Variants in PHTF2 observed in about 807,000 individuals in gnomAD.
The protein encoded by PHTF2 is protein PHTF2.
Under a neutral mutation model 101.2 loss-of-function variants are expected in PHTF2, and 60 were observed. The observed-to-expected ratio is 0.59, with a 90% CI of 0.48 to 0.73. PHTF2 has a LOEUF of 0.73. PHTF2 is among the 30% of genes least tolerant of loss of function. The pLI is 0.00. For synonymous variants in PHTF2, 311 were observed against 307.3 expected (o/e 1.01, Z -0.13); for missense variants, 747 against 908.7 (o/e 0.82, Z 2.29).
At chr7:77,814,314 T>C (rs1793673147) in intron 1 of PHTF2, among the ~76,000 whole-genome samples, 1 of 152,208 alleles carries the variant, frequency 6.6e-6, no homozygotes, top group Admixed American at 6.5e-5. Context: ...TACATAACCT[T>C]GTTTCATATG....
chr7:77,944,297 C>A (rs1170486426), intron 16 of PHTF2, among the ~76,000 whole-genome samples: 1 of 152,144 alleles, frequency 6.6e-6, no homozygotes, highest in Non-Finnish European at 1.5e-5. Context: ...ACCATGAAGT[C>A]AAACCCTCAA....
At chr7:77,801,412 G>A (rs760853541) in intron 1 of PHTF2, among the ~76,000 whole-genome samples, 10 of 151,990 alleles carry the variant, frequency 6.6e-5, no homozygotes, top group Admixed American at 1.3e-4. Flanking sequence ...ATGAAACCCC[G>A]TCTCTACTAA....
At chr7:77,900,008 C>T (rs912334106) in intron 5 of PHTF2, among the ~76,000 whole-genome samples, 1 of 151,946 alleles carries the variant, frequency 6.6e-6, no homozygotes, top group East Asian at 1.9e-4. Context: ...CTACACCCCC[C>T]ACTCCACTCT....
At chr7:77,841,996 C>A (rs964414855) in intron 2 of PHTF2, among the ~76,000 whole-genome samples, 1 of 152,044 alleles carries the variant, frequency 6.6e-6, no homozygotes, top group Admixed American at 6.6e-5. Flanking sequence ...ACTTGATTGA[C>A]CTTTCTTGGG....
intron 1 of PHTF2, among the ~76,000 whole-genome samples, chr7:77,826,509 C>T (rs1794707185): frequency 6.6e-6 from 1 of 152,090 alleles, no homozygotes; most frequent in African/African-American, 2.4e-5. Flanking sequence ...TTTCTAGTCT[C>T]AATGTCACTG....
chr7:77,889,812 G>A (rs1226906612), intron 3 of PHTF2, among the ~76,000 whole-genome samples: 1 of 151,922 alleles, frequency 6.6e-6, no homozygotes, highest in Admixed American at 6.6e-5. Context: ...TGTTGGCCAG[G>A]ATGGTCTCCA....
intron 3 of PHTF2, among the ~76,000 whole-genome samples, chr7:77,884,616 G>A (rs942509239): frequency 6.6e-6 from 1 of 152,168 alleles, no homozygotes; most frequent in African/African-American, 2.4e-5. Flanking sequence ...GGAATGTTGG[G>A]CTGGGCGCAG....
chr7:77,887,006 A>G (rs1799914872), intron 3 of PHTF2, among the ~76,000 whole-genome samples: 1 of 150,888 alleles, frequency 6.6e-6, no homozygotes, highest in Admixed American at 6.6e-5. Flanking sequence ...AGATCATGCT[A>G]CTACACTCCA....
intron 7 of PHTF2, among the ~76,000 whole-genome samples, chr7:77,903,290 T>A (rs1801560984): frequency 6.6e-6 from 1 of 152,198 alleles, no homozygotes; most frequent in African/African-American, 2.4e-5. Context: ...TCTTGTTTTC[T>A]TCTCAAAAGG....
At chr7:77,809,693 T>C (rs1016390614) in intron 1 of PHTF2, among the ~76,000 whole-genome samples, 2 of 152,222 alleles carry the variant, frequency 1.3e-5, no homozygotes, top group Admixed American at 1.3e-4. Flanking sequence ...CAACATTGAC[T>C]GAAAATACTA....
At chr7:77,813,943 C>T (rs1044028046) in intron 1 of PHTF2, among the ~76,000 whole-genome samples, 6 of 152,000 alleles carry the variant, frequency 3.9e-5, no homozygotes, top group African/African-American at 1.2e-4. Context: ...TACATAAAAT[C>T]GTAAGATTTG....
At chr7:77,830,161 A>G (rs182161113) in intron 1 of PHTF2, among the ~76,000 whole-genome samples, 3 of 152,296 alleles carry the variant, frequency 2.0e-5, no homozygotes, top group African/African-American at 7.2e-5. Context: ...GGGCACATAC[A>G]GATAAGTACA....
At chr7:77,949,858 A>G (rs1806387388) in intron 17 of PHTF2, 25 bp downstream of exon 16, 1 of 1,212,362 alleles carries the variant, frequency 8.2e-7, no homozygotes, top group Non-Finnish European at 1.2e-6. Flanking sequence ...TTATTATGCT[A>G]CAAATTAATG....
intron 3 of PHTF2, among the ~76,000 whole-genome samples, chr7:77,860,714 A>T (rs954700083): frequency 2.0e-5 from 3 of 151,942 alleles, no homozygotes; most frequent in Admixed American, 1.3e-4. Flanking sequence ...GTTTTTGTTA[A>T]TTGCTCTTTT....
At chr7:77,877,986 T>G (rs2150739615) in intron 3 of PHTF2, among the ~76,000 whole-genome samples, 1 of 151,970 alleles carries the variant, frequency 6.6e-6, no homozygotes, top group East Asian at 1.9e-4. Context: ...GATGTGGAGG[T>G]TGGTAGTCCC....
chr7:77,866,504 TAA>T (rs963154999), intron 3 of PHTF2, among the ~76,000 whole-genome samples: 28 of 152,152 alleles, frequency 1.8e-4, no homozygotes, highest in Middle Eastern at 6.8e-3. Flanking sequence ...ACAAGTTACG[TAA>T]AAGAGTGTGG....
At chr7:77,944,290 A>G (rs975218972) in intron 16 of PHTF2, among the ~76,000 whole-genome samples, 1 of 152,182 alleles carries the variant, frequency 6.6e-6, no homozygotes, top group African/African-American at 2.4e-5. Context: ...TACTCACACC[A>G]TGAAGTCAAA....
chr7:77,830,996 G>T (rs764905119), intron 1 of PHTF2, among the ~76,000 whole-genome samples: 3 of 152,224 alleles, frequency 2.0e-5, no homozygotes, highest in South Asian at 2.1e-4. Context: ...ACCCAATGAT[G>T]AGACAGCAGA....
At chr7:77,914,569 G>C (rs1802726863) in intron 9 of PHTF2, among the ~76,000 whole-genome samples, 1 of 152,106 alleles carries the variant, frequency 6.6e-6, no homozygotes, top group Admixed American at 6.5e-5. Flanking sequence ...GCCCCTAGTT[G>C]TCCCTACAAG....
Sources: gnomAD v4.1 joint callset for allele counts (sites outside exome capture counted in the v4.1 genomes callset) on GRCh38, gnomAD v4.1.1 for gene constraint, MANE v1.5 for transcripts, NCBI Gene and HGNC (gene_info 2026-07-23, HGNC 2026-07-21) for gene names.